The following PHEX variants were observed in gnomAD, a reference collection of about 807,000 sequenced individuals.
PHEX encodes the protein phosphate regulating endopeptidase X-linked.
A neutral mutation model predicts 68.0 loss-of-function variants in PHEX; 16 were observed. That is an observed-to-expected ratio of 0.24 (90% CI 0.16 to 0.36). The LOEUF (loss-of-function observed/expected upper bound fraction) is 0.36, where lower values mean the gene tolerates loss of function less well. Ranked by LOEUF, PHEX falls within the 10% of genes least tolerant of loss-of-function variation. The pLI is 1.00. For synonymous variants in PHEX, 208 were observed against 205.1 expected (o/e 1.01, Z -0.12); for missense variants, 480 against 575.5 (o/e 0.83, Z 1.70).
At chrX:22,202,796 G>A (rs775315417) in intron 15 of PHEX, among the ~76,000 whole-genome samples, 6 of 111,329 alleles carry the variant, frequency 5.4e-5, no homozygotes, top group Non-Finnish European at 1.1e-4. Flanking sequence ...TAGAATATGA[G>A]ACACCGAGCT....
Position 22,051,228 on chromosome X carries a change from A to G in PHEX, c.349+4017A>G, listed in dbSNP as rs193262121. ...CTCTTAAAATTAGTATTTTTTAACAAAAATAGGTAAAATATAAAATAGCTG... is the reference window on the plus strand; with the variant it reads ...CTCTTAAAATTAGTATTTTTTAACAGAAATAGGTAAAATATAAAATAGCTG... On this transcript the variant is annotated intron_variant, in intron 3 of 21. Coordinates refer to ENST00000379374, the MANE Select transcript of PHEX (RefSeq NM_000444.6). 3.2e-3 allele frequency among the ~76,000 whole-genome samples: 366 copies of G among 112,627 alleles called. 4 individuals carry two copies. Among genetic ancestry groups the G allele is most frequent in the Non-Finnish European group, 4.5e-3 (242 of 53,307 alleles).
At chrX:22,138,726 T>C (rs1379884425) in intron 12 of PHEX, among the ~76,000 whole-genome samples, 1 of 112,276 alleles carries the variant, frequency 8.9e-6, no homozygotes, top group Non-Finnish European at 1.9e-5. Context: ...AGGGCTTTCA[T>C]CAAACTGTCT....
chrX:22,065,480 C>A (rs1928552993), intron 3 of PHEX, among the ~76,000 whole-genome samples: 1 of 111,097 alleles, frequency 9.0e-6, no homozygotes, highest in Admixed American at 9.6e-5. Context: ...GGCTGGAGTG[C>A]TGTGGCATGA....
chrX:22,146,984 T>G (rs1305897498), intron 12 of PHEX, among the ~76,000 whole-genome samples: 1 of 111,553 alleles, frequency 9.0e-6, no homozygotes, highest in African/African-American at 3.2e-5. Context: ...AAGAGACTGG[T>G]TGTCTGTGGG....
intron 10 of PHEX, 28 bp from the exon 11 acceptor site, chrX:22,114,430 T>A (rs771104233): frequency 8.4e-7 from 1 of 1,196,983 alleles, no homozygotes; most frequent in Admixed American, 2.2e-5. Context: ...CCAAATGAAG[T>A]TTAATCTGGA....
chrX:22,089,397 GTTTTTTTTGTT>G (rs1304651045), intron 5 of PHEX, among the ~76,000 whole-genome samples: 9 of 91,874 alleles, frequency 9.8e-5, no homozygotes, highest in South Asian at 9.7e-4. Context: ...GGTGCTGAAA[GTTTTTTTTGTT>G]TTTTTTTTGT....
chrX:22,154,920 T>C lies in PHEX; in HGVS notation c.1405-13392T>C, dbSNP rs777007804. Among the ~76,000 whole-genome samples, 4 of 112,091 alleles carry C rather than the reference T, an allele frequency of 3.6e-5. No individual in the cohort carries two copies. In the East Asian group the frequency reaches 8.4e-4, roughly 24 times the overall value. On this transcript the variant is annotated intron_variant, in intron 12 of 21. Transcript: ENST00000379374. ...ATATGAAAATTCCCACTTGCATTGATTGATTGATTGAGACGGGGTCTCGCT... is the reference window on the plus strand; with the variant it reads ...ATATGAAAATTCCCACTTGCATTGACTGATTGATTGAGACGGGGTCTCGCT...
intron 15 of PHEX, among the ~76,000 whole-genome samples, chrX:22,196,569 C>T (rs1296039075): frequency 8.9e-6 from 1 of 112,321 alleles, no homozygotes; most frequent in African/African-American, 3.2e-5. Flanking sequence ...ATTTGGTTTT[C>T]ATTTCTACTA....
rs191922502 is a variant in PHEX, at chrX:22,116,757, A to T, written c.1302+2171A>T. The stretch of plus-strand genomic sequence containing the variant: ...CACGTACTGAGTAGCTAGGTTAAAC[A>T]TTAAAAGCTGATTGAACCACTGCCC... On this transcript the variant is annotated intron_variant, in intron 11 of 21. Transcript: ENST00000379374. 7.6e-3 allele frequency among the ~76,000 whole-genome samples: 846 copies of T among 111,500 alleles called. 2 individuals are homozygous for T. The highest frequency in any genetic ancestry group is 0.012 in the Non-Finnish European group (659 of 53,109).
intron 5 of PHEX, among the ~76,000 whole-genome samples, chrX:22,084,547 T>G (rs1174055829): frequency 4.6e-5 from 5 of 108,163 alleles, no homozygotes; most frequent in Non-Finnish European, 9.6e-5. Flanking sequence ...CAGTTTTTTT[T>G]TTTTTTTTTT....
intron 12 of PHEX, among the ~76,000 whole-genome samples, chrX:22,146,638 G>A (rs1490716800): frequency 9.1e-6 from 1 of 109,974 alleles, no homozygotes; most frequent in Non-Finnish European, 1.9e-5. Context: ...CCAACGTGGC[G>A]AAATCCCATC....
chrX:22,064,419 G>A (rs1928510820), intron 3 of PHEX, among the ~76,000 whole-genome samples: 1 of 111,803 alleles, frequency 8.9e-6, no homozygotes, highest in Non-Finnish European at 1.9e-5. Flanking sequence ...TTCTGTTCCT[G>A]CATTAGTTTG....
intron 5 of PHEX, among the ~76,000 whole-genome samples, chrX:22,084,190 T>C (rs1569384102): frequency 8.9e-6 from 1 of 111,955 alleles, no homozygotes; most frequent in South Asian, 3.7e-4. Context: ...AGATGGGATC[T>C]CACTATGCTG....
intron 9 of PHEX, among the ~76,000 whole-genome samples, chrX:22,100,282 G>T (rs1025790402): frequency 4.5e-5 from 5 of 111,707 alleles, no homozygotes; most frequent in Non-Finnish European, 7.5e-5. Context: ...ATCCAGTAGA[G>T]CTGGAGGGGA....
intron 20 of PHEX, among the ~76,000 whole-genome samples, chrX:22,237,473 C>CTATT (rs1556182170): frequency 1.8e-5 from 2 of 111,592 alleles, no homozygotes; most frequent in African/African-American, 6.5e-5. Flanking sequence ...TCTTTCCATT[C>CTATT]TATTTTCTAC....
intron 20 of PHEX, among the ~76,000 whole-genome samples, chrX:22,243,997 G>A (rs191655508): frequency 1.5e-4 from 17 of 111,838 alleles, no homozygotes; most frequent in East Asian, 5.6e-4. Context: ...TGTTTATTGC[G>A]GCACTGTTCA....
At chrX:22,153,271 A>G (rs1377720561) in intron 12 of PHEX, among the ~76,000 whole-genome samples, 2 of 112,162 alleles carry the variant, frequency 1.8e-5, no homozygotes, top group Non-Finnish European at 3.8e-5. Context: ...GCTGTGAGCC[A>G]CCGTACCTGG....
rs142673874 is a variant in PHEX at position 22,059,352 on chromosome X, C to T, written c.349+12141C>T. ...AACAGCAATCATGATTATTTTTCTACCTTATTGCAGATGTTGCAGGTATCT... is the reference window on the plus strand; with the variant it reads ...AACAGCAATCATGATTATTTTTCTATCTTATTGCAGATGTTGCAGGTATCT... On this transcript the variant is annotated intron_variant, in intron 3 of 21. Transcript: ENST00000379374. Among the ~76,000 whole-genome samples the T allele has an allele frequency of 9.7e-3, 1,086 of 112,322 alleles. 15 individuals are homozygous for T. The highest frequency in any genetic ancestry group is 0.033 in the African/African-American group (1,018 of 30,946).
chrX:22,209,585 A>T (rs192361410), intron 15 of PHEX, among the ~76,000 whole-genome samples: 4 of 109,835 alleles, frequency 3.6e-5, no homozygotes, highest in African/African-American at 1.3e-4. Flanking sequence ...ACTCCCATCA[A>T]CATGCTTCCT....
Sources: allele counts gnomAD v4.1 joint callset (sites outside exome capture counted in the v4.1 genomes callset), GRCh38; gene constraint gnomAD v4.1.1; transcripts MANE v1.5; gene names NCBI Gene and HGNC (gene_info 2026-07-23, HGNC 2026-07-21).